The following TATDN2 variants were observed in gnomAD, a reference collection of about 807,000 sequenced individuals.
The protein encoded by TATDN2 is TatD DNase domain containing 2.
In TATDN2, 44 loss-of-function variants were observed where a neutral mutation model predicts 60.3. That is an observed-to-expected ratio of 0.73 (90% confidence interval 0.57 to 0.94). TATDN2 has a LOEUF of 0.94. Among genes scored for constraint, TATDN2 ranks in the 40% least tolerant of loss-of-function variants. TATDN2 has a pLI of 0.00. For missense variants in TATDN2, 997 were observed against 948.0 expected (o/e 1.05, Z -0.68); for synonymous variants, 399 against 355.8 (o/e 1.12, Z -1.37).
At chr3:10,266,987 G>C (rs542924449) in intron 3 of TATDN2, among the ~76,000 whole-genome samples, 362 of 139,362 alleles carry the variant, frequency 2.6e-3, no homozygotes, top group Non-Finnish European at 4.4e-3. Context: ...TTGGAGTACA[G>C]TGGCTCACTG....
chr3:10,279,274 C>G lies in TATDN2; in HGVS notation c.*92C>G, dbSNP rs1354571004. 9.4e-6 allele frequency: 4 copies of G among 426,792 alleles called. No homozygotes were observed. Among genetic ancestry groups the G allele is most frequent in the South Asian group, 2.4e-5 (1 of 41,218 alleles). The allele number at this position is 426,792 out of a possible 1,614,324, so 26.4% of individuals were successfully genotyped here. The stretch of plus-strand genomic sequence containing the variant: ...CTGGCTTGAAGTCTGTGTCTCAGGT[C>G]GAGGATGTGTTTAGAGAGCTGATTG... On this transcript the variant is annotated 3_prime_UTR_variant, in exon 8 of 8. Transcript: ENST00000448281.
In TATDN2 at chr3:10,278,214, G is replaced by C. The variant is rs189759114; in HGVS notation, c.1962-65G>C. The C allele has an allele frequency of 1.2e-4, 180 of 1,538,128 alleles. 1 individual carries two copies. In the Admixed American group the frequency reaches 2.9e-3, roughly 25 times the overall value. On this transcript the variant is annotated intron_variant, in intron 5 of 7. Transcript: ENST00000448281. The surrounding 1 kb of genome is among the most constrained non-coding windows in gnomAD (Gnocchi z 4.7). ...ATCATTGAAAAGGGGTGATGGGTGTGGGGGGAGCTGGGGGCTGCTGCAGAG... is the reference window on the plus strand; with the variant it reads ...ATCATTGAAAAGGGGTGATGGGTGTCGGGGGAGCTGGGGGCTGCTGCAGAG...
At chr3:10,255,771 G>A (rs758709900) in intron 2 of TATDN2, among the ~76,000 whole-genome samples, 3 of 152,066 alleles carry the variant, frequency 2.0e-5, no homozygotes, top group Non-Finnish European at 4.4e-5. Context: ...GAGAAACCTC[G>A]TCTCTACCAA....
intron 3 of TATDN2, among the ~76,000 whole-genome samples, chr3:10,265,121 G>T (rs1698459726): frequency 7.3e-6 from 1 of 136,628 alleles, no homozygotes; most frequent in African/African-American, 2.8e-5. Context: ...CTGTGGCCCA[G>T]GCTGAAATAC....
intron 4 of TATDN2, 66 bp downstream of exon 4, chr3:10,271,081 T>A: frequency 6.7e-7 from 1 of 1,490,228 alleles, no homozygotes; most frequent in Non-Finnish European, 8.9e-7. Context: ...AGCCTGACAA[T>A]AAGGGTTTAT....
intron 2 of TATDN2, among the ~76,000 whole-genome samples, chr3:10,258,468 T>G (rs1227022478): frequency 1.3e-5 from 2 of 150,256 alleles, no homozygotes; most frequent in African/African-American, 4.9e-5. Context: ...ATTTTTATTT[T>G]GCTTCTTTTT....
In TATDN2 at chr3:10,270,621, G is replaced by A; in HGVS notation, c.1439G>A (p.Ser480Asn). The change falls in exon 4 of 8, where the codon AGC (serine) becomes AAC (asparagine). Residue 480 changes from serine to asparagine, a missense_variant. Coordinates refer to ENST00000448281, the MANE Select transcript of TATDN2 (RefSeq NM_014760.4). ...PPRPCGGHAS[S>N]SLPKSHLEPS... ...CGTCCTTGTGGAGGACACGCATCCA[G>A]CTCCCTGCCAAAGAGCCACCTGGAG... 6.2e-7 allele frequency: 1 copy of A among 1,614,244 alleles called. No homozygotes were observed. Among genetic ancestry groups the A allele is most frequent in the South Asian group, 1.1e-5 (1 of 91,086 alleles).
At chr3:10,251,859 T>TA (rs1355380509) in intron 2 of TATDN2, among the ~76,000 whole-genome samples, 1 of 150,972 alleles carries the variant, frequency 6.6e-6, no homozygotes, top group African/African-American at 2.4e-5. Flanking sequence ...TTAAAAATTT[T>TA]TTTTTTGGGC....
intron 3 of TATDN2, among the ~76,000 whole-genome samples, chr3:10,261,432 G>C (rs1305872752): frequency 6.6e-6 from 1 of 150,472 alleles, no homozygotes; most frequent in African/African-American, 2.4e-5. Flanking sequence ...GTGCGATGGT[G>C]CAATCTTGGC....
At chr3:10,254,481 T>A (rs1408283822) in intron 2 of TATDN2, among the ~76,000 whole-genome samples, 1 of 152,114 alleles carries the variant, frequency 6.6e-6, no homozygotes, top group Non-Finnish European at 1.5e-5. Flanking sequence ...CACTTGCGTG[T>A]TTGGAGGAAG....
intron 5 of TATDN2, among the ~76,000 whole-genome samples, chr3:10,277,515 C>G (rs142208765): frequency 1.3e-5 from 2 of 152,274 alleles, no homozygotes; most frequent in East Asian, 3.9e-4. Flanking sequence ...GAGGGGTTGG[C>G]TGAATAACAA....
chr3:10,271,382 C>T (rs1242495404), intron 4 of TATDN2, among the ~76,000 whole-genome samples: 1 of 152,220 alleles, frequency 6.6e-6, no homozygotes, highest in Non-Finnish European at 1.5e-5. Flanking sequence ...GGTGCGATCT[C>T]AGCTCGCTGC....
At position 10,255,007 on chromosome 3, in the gene TATDN2, T is replaced by TTCCCTC. The variant is rs1553628212; in HGVS notation, c.415-5126_415-5125insTCTCCC. Among the ~76,000 whole-genome samples, 52 of 68,770 alleles carry TTCCCTC rather than the reference T, an allele frequency of 7.6e-4. 1 individual carries two copies. The highest frequency in any genetic ancestry group is 2.8e-3 in the African/African-American group (27 of 9,508). The allele number at this position is 68,770 out of a possible 152,430, so 45.1% of individuals were successfully genotyped here. On this transcript the variant is annotated intron_variant, in intron 2 of 7. Coordinates refer to ENST00000448281, the MANE Select transcript of TATDN2 (RefSeq NM_014760.4). ...CCCCTTCCCCCTTCCTCCTTCCCAC[T>TTCCCTC]TCCCACTCCCCCTCCCCCTCCCCCT...
chr3:10,260,301 C>T lies in TATDN2; in HGVS notation c.579C>T (p.Gly193=). 2.5e-6 allele frequency: 4 copies of T among 1,614,172 alleles called. No individual in the cohort carries two copies. The highest frequency in any genetic ancestry group is 3.4e-6 in the Non-Finnish European group (4 of 1,180,028). Residue 193 remains glycine (G), a synonymous_variant, in exon 3 of 8, where the codon GGC becomes GGT. Coordinates refer to ENST00000448281, the MANE Select transcript of TATDN2 (RefSeq NM_014760.4). ...STMIYLKAIQ[G]ILGKSMPKRK... ...TGATCTACCTGAAGGCTATCCAGGG[C>T]ATCCTGGGGAAATCGATGCCAAAAA...
At chr3:10,265,665 G>C (rs1189466105) in intron 3 of TATDN2, among the ~76,000 whole-genome samples, 7 of 120,518 alleles carry the variant, frequency 5.8e-5, no homozygotes, top group Admixed American at 1.1e-4. Flanking sequence ...CTGGGCAACA[G>C]AGCAAGACTC....
chr3:10,250,505 G>T (rs1203360409), intron 2 of TATDN2, among the ~76,000 whole-genome samples: 2 of 152,078 alleles, frequency 1.3e-5, no homozygotes, highest in African/African-American at 4.8e-5. Context: ...CAGATGGGCT[G>T]CCTCTAGAGA....
In TATDN2 at chr3:10,276,469, C is replaced by T. The variant is rs765079750; in HGVS notation, c.1942C>T (p.Pro648Ser). 4.1e-5 allele frequency: 66 copies of T among 1,613,908 alleles called. No homozygotes were observed. Among genetic ancestry groups the T allele is most frequent in the African/African-American group, 8.0e-5 (6 of 74,896 alleles). Residue 648 changes from proline (P) to serine (S), a missense_variant, in exon 5 of 8, where the codon CCT (proline) becomes TCT (serine). By Grantham distance (74) the Pro-to-Ser change is moderately conservative. Coordinates refer to ENST00000448281, the MANE Select transcript of TATDN2 (RefSeq NM_014760.4). Reference sequence around the variant, plus strand: ...AGAAATCATGAAAAAGTTTGTGCCCCCTGACTACAAGATCCATAGGTTAGA... The same window carrying T: ...AGAAATCATGAAAAAGTTTGTGCCCTCTGACTACAAGATCCATAGGTTAGA... Reference protein sequence around the residue: ...LLEIMKKFVPPDYKIHRHCFT... With the variant: ...LLEIMKKFVPSDYKIHRHCFT...
intron 4 of TATDN2, 58 bp downstream of exon 4, chr3:10,271,073 C>G (rs1002198042): frequency 2.7e-6 from 4 of 1,494,812 alleles, no homozygotes; most frequent in Non-Finnish European, 3.5e-6. Flanking sequence ...GTTGTTGAAG[C>G]CTGACAATAA....
chr3:10,262,482 T>C (rs1427335376), intron 3 of TATDN2, among the ~76,000 whole-genome samples: 1 of 151,992 alleles, frequency 6.6e-6, no homozygotes, highest in Non-Finnish European at 1.5e-5. Context: ...AGGTTGGAAA[T>C]TGTTTTGTTT....
Sources: allele counts gnomAD v4.1 joint callset (sites outside exome capture counted in the v4.1 genomes callset), GRCh38; gene constraint gnomAD v4.1.1; non-coding constraint Gnocchi (gnomAD v3.1); transcripts MANE v1.5; gene names NCBI Gene and HGNC (gene_info 2026-07-23, HGNC 2026-07-21).